EXPH5: variants seen among roughly 807,000 people sequenced by gnomAD.
EXPH5 encodes the protein exophilin 5.
EXPH5 carries 42 observed loss-of-function variants against 41.1 expected under a neutral mutation model. That is an observed-to-expected ratio of 1.02 (90% CI 0.80 to 1.32). EXPH5 has a LOEUF of 1.32. Among genes scored for constraint, EXPH5 ranks in the 40% most tolerant of loss-of-function variants. The probability of loss-of-function intolerance (pLI) is 0.00; values close to 1 mark genes in which losing one functional copy is unlikely to be tolerated. For missense variants in EXPH5, 2,298 were observed against 2,314.5 expected (o/e 0.99, Z 0.15); for synonymous variants, 798 against 833.5 (o/e 0.96, Z 0.73).
intron 1 of EXPH5, among the ~76,000 whole-genome samples, chr11:108,542,229 G>A (rs114508151): frequency 0.016 from 2,361 of 152,074 alleles, 59 homozygotes; most frequent in African/African-American, 0.051. Context: ...CCATGTGATG[G>A]GCTAAACTTG....
chr11:108,546,132 A>C (rs1288459844), intron 1 of EXPH5, among the ~76,000 whole-genome samples: 1 of 151,952 alleles, frequency 6.6e-6, no homozygotes, highest in African/African-American at 2.4e-5. Flanking sequence ...GAACAGAAAT[A>C]AGGCCTGTGT....
chr11:108,591,343 A>G (rs1218791645), intron 1 of EXPH5, among the ~76,000 whole-genome samples: 1 of 152,216 alleles, frequency 6.6e-6, no homozygotes, highest in Non-Finnish European at 1.5e-5. Flanking sequence ...GCATGCCAAT[A>G]TCTGATACTG....
At chr11:108,550,001 T>C (rs17108182) in intron 1 of EXPH5, among the ~76,000 whole-genome samples, 3,625 of 152,298 alleles carry the variant, frequency 0.024, 152 homozygotes, top group African/African-American at 0.081. Context: ...TAGTCAGTGA[T>C]GGCATTGTGT....
At chr11:108,521,694 C>A (rs998891609) in intron 4 of EXPH5, among the ~76,000 whole-genome samples, 1 of 152,168 alleles carries the variant, frequency 6.6e-6, no homozygotes, top group Non-Finnish European at 1.5e-5. Context: ...GGTTACCCTA[C>A]ATCAATAATT....
At chr11:108,527,778 A>C (rs1322845667) in intron 4 of EXPH5, among the ~76,000 whole-genome samples, 1 of 152,204 alleles carries the variant, frequency 6.6e-6, no homozygotes. Flanking sequence ...CACACTCAGA[A>C]AGGATCTGGT....
At chr11:108,555,939 T>A (rs2093987771) in intron 1 of EXPH5, among the ~76,000 whole-genome samples, 1 of 152,170 alleles carries the variant, frequency 6.6e-6, no homozygotes, top group Non-Finnish European at 1.5e-5. Context: ...AGAACGGACG[T>A]ATACAAGCCC....
chr11:108,588,732 G>A (rs569684353), intron 1 of EXPH5, among the ~76,000 whole-genome samples: 23 of 152,254 alleles, frequency 1.5e-4, no homozygotes, highest in African/African-American at 5.3e-4. Context: ...GGTTGAGGAT[G>A]AGGATAAAAA....
chr11:108,518,607 T>G (rs953127290), intron 4 of EXPH5, among the ~76,000 whole-genome samples: 1 of 152,236 alleles, frequency 6.6e-6, no homozygotes, highest in African/African-American at 2.4e-5. Flanking sequence ...GGCAAGGTAC[T>G]GAGCCTCTCT....
intron 3 of EXPH5, among the ~76,000 whole-genome samples, chr11:108,530,055 AG>A (rs1197826572): frequency 6.6e-6 from 1 of 152,186 alleles, no homozygotes; most frequent in Non-Finnish European, 1.5e-5. Flanking sequence ...AAAACCTGGG[AG>A]ACCAAATACT....
chr11:108,606,740 T>C, the EXPH5 span, among the ~76,000 whole-genome samples: 1 of 152,148 alleles, frequency 6.6e-6, no homozygotes, highest in Non-Finnish European at 1.5e-5. Flanking sequence ...ACAGGTTTTT[T>C]TCAGAGCACC....
intron 1 of EXPH5, among the ~76,000 whole-genome samples, chr11:108,570,211 C>A (rs1413344646): frequency 2.3e-5 from 3 of 128,558 alleles, no homozygotes; most frequent in Admixed American, 7.9e-5. Flanking sequence ...AAGCTGAGAA[C>A]AGAATAGCAT....
At chr11:108,536,236 G>A (rs2093878827) in intron 3 of EXPH5, among the ~76,000 whole-genome samples, 1 of 151,530 alleles carries the variant, frequency 6.6e-6, no homozygotes, top group South Asian at 2.1e-4. Context: ...TGTTTGAGAA[G>A]AGGAGCAAAT....
At chr11:108,526,917 TC>T in intron 4 of EXPH5, among the ~76,000 whole-genome samples, 1 of 152,310 alleles carries the variant, frequency 6.6e-6, no homozygotes, top group East Asian at 1.9e-4. Context: ...CAGTAAGTTC[TC>T]CATTAGAGTG....
intron 2 of EXPH5, 76 bp from the exon 3 acceptor site, chr11:108,539,262 C>T (rs973707636): frequency 1.5e-5 from 16 of 1,087,380 alleles, no homozygotes; most frequent in African/African-American, 7.9e-5. Context: ...AGCCTTTGCT[C>T]TTGTGTCACT....
At chr11:108,579,113 C>T (rs1167366994) in intron 1 of EXPH5, among the ~76,000 whole-genome samples, 1 of 152,046 alleles carries the variant, frequency 6.6e-6, no homozygotes, top group African/African-American at 2.4e-5. Context: ...CAGTTTTCCC[C>T]CACTCAGTAT....
rs2093712741 is a variant in EXPH5 at position 108,514,763 on chromosome 11, A to G, written c.744T>C (p.Ser248=). 1 of 1,611,288 alleles carries G rather than the reference A, an allele frequency of 6.2e-7. No homozygotes were observed. The highest frequency in any genetic ancestry group is 8.5e-7 in the Non-Finnish European group (1 of 1,179,164). The change falls in exon 6 of 6, where the codon AGT becomes AGC. Residue 248 remains serine, a synonymous_variant. Transcript: ENST00000265843. ...CTGTGATATTACCATGTCTGTTACC[A>G]CTGGAATAAAAGTGACCGAACTGTG... ...SRTQFGHFYS[S]GNRHGNITER...
rs1374430637 is a variant in EXPH5 at position 108,510,286 on chromosome 11, T to C, written c.5221A>G (p.Arg1741Gly). 6.2e-7 allele frequency: 1 copy of C among 1,614,012 alleles called. No individual in the cohort carries two copies. Among genetic ancestry groups the C allele is most frequent in the Non-Finnish European group, 8.5e-7 (1 of 1,180,018 alleles). Reference protein sequence around the residue: ...APSPITFTSLREAEFSDNQRR... With the variant: ...APSPITFTSLGEAEFSDNQRR... The stretch of plus-strand genomic sequence containing the variant: ...TGATTGTCAGAGAATTCTGCTTCCC[T>C]GAGGCTGGTGAATGTGATGGGTGAT... Residue 1741 changes from arginine to glycine, a missense_variant, in exon 6 of 6, where the codon AGG (arginine) becomes GGG (glycine). Transcript: ENST00000265843.
chr11:108,581,233 G>A (rs952564591), intron 1 of EXPH5, among the ~76,000 whole-genome samples: 3 of 152,126 alleles, frequency 2.0e-5, no homozygotes, highest in Non-Finnish European at 2.9e-5. Flanking sequence ...GAGGCCAGGA[G>A]GTGGAGGTTG....
At chr11:108,533,961 A>AT (rs554559414) in intron 3 of EXPH5, among the ~76,000 whole-genome samples, 305 of 152,208 alleles carry the variant, frequency 2.0e-3, no homozygotes, top group African/African-American at 6.9e-3. Context: ...TGCCTGGCTA[A>AT]TTTTTTAATG....
Sources: allele counts gnomAD v4.1 joint callset (sites outside exome capture counted in the v4.1 genomes callset), GRCh38; gene constraint gnomAD v4.1.1; transcripts MANE v1.5; gene names NCBI Gene and HGNC (gene_info 2026-07-23, HGNC 2026-07-21).